The following DIS3L2 variants were observed in gnomAD, a reference collection of about 807,000 sequenced individuals.
The protein encoded by DIS3L2 is DIS3-like exonuclease 2.
Under a neutral mutation model 97.5 loss-of-function variants are expected in DIS3L2, and 34 were observed. The ratio of observed to expected loss-of-function variants is 0.35; its 90% confidence interval spans 0.27 to 0.46. The LOEUF (loss-of-function observed/expected upper bound fraction) is 0.46. Among genes scored for constraint, DIS3L2 ranks in the 20% least tolerant of loss-of-function variants. The pLI is 1.00. For missense variants in DIS3L2, 1,038 were observed against 1,146.0 expected (o/e 0.91, Z 1.36); for synonymous variants, 435 against 445.2 (o/e 0.98, Z 0.29).
intron 6 of DIS3L2, among the ~76,000 whole-genome samples, chr2:232,091,235 A>G (rs537111025): frequency 1.3e-5 from 2 of 152,208 alleles, no homozygotes; most frequent in Non-Finnish European, 2.9e-5. Context: ...TGTGCTAGGA[A>G]ATAGTAGGTC....
chr2:232,242,264 G>T (rs976094561), intron 11 of DIS3L2, among the ~76,000 whole-genome samples: 1 of 152,154 alleles, frequency 6.6e-6, no homozygotes, highest in East Asian at 1.9e-4. Flanking sequence ...TTAAAACCTC[G>T]AAGTCCTCGG....
At chr2:231,987,999 A>G (rs1693467974) in intron 1 of DIS3L2, among the ~76,000 whole-genome samples, 1 of 152,028 alleles carries the variant, frequency 6.6e-6, no homozygotes, top group African/African-American at 2.4e-5. Flanking sequence ...ATGTGCCACC[A>G]CGCCCAGCTA....
In DIS3L2 at chr2:232,325,701, A is replaced by G. The variant is rs1214293847; in HGVS notation, c.1740-4112A>G. On this transcript the variant is annotated intron_variant, in intron 14 of 20. Transcript: ENST00000325385. This position sits in a 1 kb window ranked among gnomAD's most constrained non-coding sequence, Gnocchi z 4.6. ...CCAAGGCCCCCGTCTCCGAGGCCTT[A>G]GCTTGCTGTTCTGGAAGGTGATGCT... is the stretch of plus-strand genomic sequence containing the variant. Among the ~76,000 whole-genome samples, 6 of 152,338 alleles carry G rather than the reference A, an allele frequency of 3.9e-5. No individual in the cohort carries two copies. Among genetic ancestry groups the G allele is most frequent in the African/African-American group, 1.2e-4 (5 of 41,590 alleles).
intron 13 of DIS3L2, among the ~76,000 whole-genome samples, chr2:232,270,896 C>G (rs1201857708): frequency 2.6e-3 from 379 of 144,562 alleles, no homozygotes; most frequent in Non-Finnish European, 4.2e-3. Context: ...CTCTCTCTCT[C>G]TCTCTCTCTC....
intron 5 of DIS3L2, among the ~76,000 whole-genome samples, chr2:232,066,171 C>T (rs1695851424): frequency 1.3e-5 from 2 of 151,890 alleles, no homozygotes; most frequent in Admixed American, 6.6e-5. Flanking sequence ...GAAACCTTCA[C>T]TATGATGTTG....
At chr2:232,228,762 TCC>T (rs1403196211) in intron 10 of DIS3L2, among the ~76,000 whole-genome samples, 2 of 152,176 alleles carry the variant, frequency 1.3e-5, no homozygotes, top group African/African-American at 4.8e-5. Context: ...ATTCTAAAAA[TCC>T]AAGACTCTTT....
At chr2:232,299,224 C>G (rs563276168) in intron 13 of DIS3L2, among the ~76,000 whole-genome samples, 1 of 152,364 alleles carries the variant, frequency 6.6e-6, no homozygotes, top group African/African-American at 2.4e-5. Flanking sequence ...CCTGGCCGCT[C>G]CCCTGACTGT....
At chr2:232,191,648 A>G (rs1309815967) in intron 9 of DIS3L2, among the ~76,000 whole-genome samples, 6 of 152,320 alleles carry the variant, frequency 3.9e-5, no homozygotes, top group Admixed American at 2.0e-4. Context: ...GTTTACTCCT[A>G]GTGCTCAAAT....
chr2:232,148,702 A>G (rs1690296280), intron 8 of DIS3L2, among the ~76,000 whole-genome samples: 1 of 151,226 alleles, frequency 6.6e-6, no homozygotes, highest in African/African-American at 2.4e-5. Context: ...GAACTTTACA[A>G]AGCTCCAAAA....
At chr2:231,995,687 A>AT (rs1260418547) in intron 1 of DIS3L2, among the ~76,000 whole-genome samples, 1 of 152,068 alleles carries the variant, frequency 6.6e-6, no homozygotes, top group Non-Finnish European at 1.5e-5. Flanking sequence ...CTCCCACTTG[A>AT]TTTTTAGCTC....
rs544365435 is a variant in DIS3L2, at chr2:232,337,044, C to T, written c.*414C>T. The T allele has an allele frequency of 7.5e-6, 8 of 1,061,904 alleles. No individual in the cohort carries two copies. In the East Asian group the frequency reaches 6.9e-4, roughly 91 times the overall value. 65.8% of individuals were successfully genotyped at this position (1,061,904 alleles called of 1,614,324 possible). On this transcript the variant is annotated 3_prime_UTR_variant, in exon 21 of 21. Coordinates refer to ENST00000325385, the MANE Select transcript of DIS3L2 (RefSeq NM_152383.5). The stretch of plus-strand genomic sequence containing the variant: ...TGCCCCTTGCACCCAGGGCAAGGGA[C>T]CCAGTTCAGGCTTCACCCCTCGCTG...
At chr2:232,296,102 A>G (rs916103094) in intron 13 of DIS3L2, among the ~76,000 whole-genome samples, 1 of 152,204 alleles carries the variant, frequency 6.6e-6, no homozygotes, top group Non-Finnish European at 1.5e-5. Flanking sequence ...TAGAATCCGC[A>G]ATCTCAGATT....
intron 13 of DIS3L2, among the ~76,000 whole-genome samples, chr2:232,298,162 AC>A (rs1694766644): frequency 6.6e-6 from 1 of 152,200 alleles, no homozygotes. Context: ...TCCATGTGTG[AC>A]TATAGCATAG....
rs538186468 is a variant in DIS3L2, at chr2:232,336,640, GCCGCCTGCCCCGCCTGCC to G, written c.*20_*37del. The G allele has an allele frequency of 9.0e-6, 14 of 1,552,064 alleles. No individual in the cohort carries two copies. Among genetic ancestry groups the G allele is most frequent in the African/African-American group, 5.5e-5 (4 of 73,326 alleles). ...CTCAAGCACCAGCTGAGCTCCACCA[GCCGCCTGCCCCGCCTGCC>G]CCGCCTGCCTGTCCCGCCACACTGG... is the stretch of plus-strand genomic sequence containing the variant. On this transcript the variant is annotated 3_prime_UTR_variant, in exon 21 of 21. Coordinates refer to ENST00000325385, the MANE Select transcript of DIS3L2 (RefSeq NM_152383.5).
intron 6 of DIS3L2, among the ~76,000 whole-genome samples, chr2:232,124,278 G>A (rs1697992298): frequency 6.6e-6 from 1 of 152,078 alleles, no homozygotes; most frequent in Admixed American, 6.5e-5. Context: ...AAAAAAGTCT[G>A]TTTCCCCTGT....
intron 1 of DIS3L2, among the ~76,000 whole-genome samples, chr2:231,968,636 A>G (rs1226959450): frequency 6.6e-6 from 1 of 152,194 alleles, no homozygotes. Context: ...GTTGTTTCCA[A>G]TTTTAGTTAT....
intron 9 of DIS3L2, among the ~76,000 whole-genome samples, chr2:232,193,004 C>G (rs551789913): frequency 6.6e-6 from 1 of 152,166 alleles, no homozygotes; most frequent in Non-Finnish European, 1.5e-5. Context: ...CCTTTGCTTC[C>G]TCCTCCTTAG....
intron 9 of DIS3L2, among the ~76,000 whole-genome samples, chr2:232,176,532 TC>T (rs1215248135): frequency 6.6e-6 from 1 of 151,826 alleles, no homozygotes; most frequent in Non-Finnish European, 1.5e-5. Context: ...AGTTTGTTCT[TC>T]TTTGGTTTCT....
At chr2:232,027,492 T>C (rs1209482660) in intron 4 of DIS3L2, among the ~76,000 whole-genome samples, 1 of 152,186 alleles carries the variant, frequency 6.6e-6, no homozygotes, top group East Asian at 1.9e-4. Context: ...GAGTAAATGT[T>C]GTCTAATGTT....
Sources: gnomAD v4.1 joint callset for allele counts (sites outside exome capture counted in the v4.1 genomes callset) on GRCh38, gnomAD v4.1.1 for gene constraint, Gnocchi (gnomAD v3.1) non-coding constraint, MANE v1.5 for transcripts, NCBI Gene and HGNC (gene_info 2026-07-23, HGNC 2026-07-21) for gene names.